INPP5A: variants seen among roughly 807,000 people sequenced by gnomAD.
INPP5A encodes inositol polyphosphate-5-phosphatase A.
A neutral mutation model predicts 65.2 loss-of-function variants in INPP5A; 14 were observed. That is an observed-to-expected ratio of 0.21 (90% CI 0.14 to 0.34). The LOEUF (loss-of-function observed/expected upper bound fraction) is 0.34. Ranked by LOEUF, INPP5A falls within the 10% of genes least tolerant of loss-of-function variation. The pLI, the probability that INPP5A is intolerant of heterozygous loss-of-function variation, is 1.00. For synonymous variants in INPP5A, 207 were observed against 208.3 expected (o/e 0.99, Z 0.05); for missense variants, 431 against 545.6 (o/e 0.79, Z 2.09).
At chr10:132,664,056 C>G (rs2072772581) in intron 4 of INPP5A, among the ~76,000 whole-genome samples, 1 of 152,238 alleles carries the variant, frequency 6.6e-6, no homozygotes, top group Non-Finnish European at 1.5e-5. Context: ...TGCTTGTTAG[C>G]ATTTTTTGAC....
At chr10:132,593,165 A>G (rs538909773) in intron 1 of INPP5A, among the ~76,000 whole-genome samples, 4 of 152,188 alleles carry the variant, frequency 2.6e-5, no homozygotes, top group Non-Finnish European at 5.9e-5. Flanking sequence ...TGATTAACCT[A>G]AGATCAGCTG....
chr10:132,760,345 T>G (rs1239848526), intron 11 of INPP5A, among the ~76,000 whole-genome samples: 1 of 152,240 alleles, frequency 6.6e-6, no homozygotes, highest in East Asian at 1.9e-4. Flanking sequence ...GGTCGGACGC[T>G]GTGCCGCACG....
intron 12 of INPP5A, among the ~76,000 whole-genome samples, chr10:132,772,447 G>T (rs1396037740): frequency 6.2e-5 from 8 of 128,842 alleles, no homozygotes; most frequent in African/African-American, 2.4e-4. Flanking sequence ...TGACACAGAG[G>T]CCACGGCAGC....
intron 1 of INPP5A, among the ~76,000 whole-genome samples, chr10:132,541,300 G>C (rs190952189): frequency 6.6e-6 from 1 of 152,272 alleles, no homozygotes; most frequent in Non-Finnish European, 1.5e-5. Flanking sequence ...CTCTCAAAAC[G>C]CTGCGTGCAT....
At chr10:132,729,277 C>T (rs1443402558) in intron 9 of INPP5A, among the ~76,000 whole-genome samples, 2 of 152,214 alleles carry the variant, frequency 1.3e-5, no homozygotes, top group South Asian at 2.1e-4. Flanking sequence ...GCCACATCTT[C>T]TCCTGCATCA....
At chr10:132,609,265 A>G (rs528620346) in intron 2 of INPP5A, among the ~76,000 whole-genome samples, 3 of 152,376 alleles carry the variant, frequency 2.0e-5, no homozygotes, top group Admixed American at 1.3e-4. Context: ...AATGTGTGAC[A>G]TCATCTGCTC....
intron 14 of INPP5A, 28 bp from the exon 15 acceptor site, chr10:132,781,833 C>G: frequency 6.2e-7 from 1 of 1,600,662 alleles, no homozygotes; most frequent in Admixed American, 1.7e-5. Context: ...GTGCGCCGTG[C>G]TGACACCGTC....
rs572529531 is a variant in INPP5A at position 132,555,870 on chromosome 10, C to G, written c.75+17699C>G. ...GCTGCTGCATTAGGAATCTGCGTCACAGATGAAAAACACGCGTTTCCCCTT... is the reference window on the plus strand; with the variant it reads ...GCTGCTGCATTAGGAATCTGCGTCAGAGATGAAAAACACGCGTTTCCCCTT... On this transcript the variant is annotated intron_variant, in intron 1 of 15. Transcript: ENST00000368594. The surrounding 1 kb of genome is among the most constrained non-coding windows in gnomAD (Gnocchi z 4.4). Among the ~76,000 whole-genome samples, 1 of 152,170 alleles carries G rather than the reference C, an allele frequency of 6.6e-6. No homozygotes were observed. Among genetic ancestry groups the G allele is most frequent in the Non-Finnish European group, 1.5e-5 (1 of 68,034 alleles).
intron 11 of INPP5A, among the ~76,000 whole-genome samples, chr10:132,759,026 A>G (rs373892928): frequency 1.8e-4 from 27 of 152,368 alleles, no homozygotes; most frequent in East Asian, 1.2e-3. Flanking sequence ...CTCTGTTTAC[A>G]TTTAGGGCGA....
intron 2 of INPP5A, among the ~76,000 whole-genome samples, chr10:132,610,620 G>A (rs532167693): frequency 6.6e-6 from 1 of 152,368 alleles, no homozygotes; most frequent in East Asian, 1.9e-4. Flanking sequence ...CTGCTCCAGG[G>A]TCTGCAGCCT....
chr10:132,598,164 G>A (rs1021539331), intron 1 of INPP5A, among the ~76,000 whole-genome samples: 1 of 152,166 alleles, frequency 6.6e-6, no homozygotes, highest in African/African-American at 2.4e-5. Context: ...GCTCTCAGAC[G>A]TGTGGAGACT....
chr10:132,737,242 G>C (rs1846193630), intron 9 of INPP5A, among the ~76,000 whole-genome samples: 1 of 152,196 alleles, frequency 6.6e-6, no homozygotes, highest in South Asian at 2.1e-4. Context: ...GTGTCCAGAG[G>C]GCAGGTGGCA....
intron 4 of INPP5A, among the ~76,000 whole-genome samples, chr10:132,654,022 G>A (rs75242478): frequency 0.049 from 7,425 of 152,340 alleles, 254 homozygotes; most frequent in Middle Eastern, 0.089. Flanking sequence ...ACCAGGGTGC[G>A]GGGCACCAGG....
rs1445686890 is a variant in INPP5A at position 132,675,734 on chromosome 10, CA to C, written c.307-14657del. ...GGGAACTAAGGTAAATTATTTGAAA[CA>C]GAAGTAGATGGCAATTTCCTAATAT... On this transcript the variant is annotated intron_variant, in intron 4 of 15. Transcript: ENST00000368594. This position sits in a 1 kb window ranked among gnomAD's most constrained non-coding sequence, Gnocchi z 4.2. 2.0e-5 allele frequency among the ~76,000 whole-genome samples: 3 copies of C among 152,194 alleles called. No individual in the cohort carries two copies. Among genetic ancestry groups the C allele is most frequent in the African/African-American group, 7.2e-5 (3 of 41,442 alleles).
intron 2 of INPP5A, among the ~76,000 whole-genome samples, chr10:132,630,881 T>G (rs2133373379): frequency 6.6e-6 from 1 of 152,272 alleles, no homozygotes; most frequent in African/African-American, 2.4e-5. Context: ...TTTGTTCGGG[T>G]TAGAGCCCTG....
In INPP5A at chr10:132,657,343, G is replaced by A. The variant is rs187925822; in HGVS notation, c.306+6838G>A. On this transcript the variant is annotated intron_variant, in intron 4 of 15. Transcript: ENST00000368594. ...AGCACTGCCATGGTGGACTCTGCTC[G>A]CGCCTTGGTGGCTTCTAGGCTTTTC... Among the ~76,000 whole-genome samples, 291 of 152,372 alleles carry A rather than the reference G, an allele frequency of 1.9e-3. 2 individuals carry two copies. Among genetic ancestry groups the A allele is most frequent in the African/African-American group, 6.7e-3 (280 of 41,594 alleles).
intron 9 of INPP5A, among the ~76,000 whole-genome samples, chr10:132,729,589 T>C (rs1846045919): frequency 6.6e-6 from 1 of 152,162 alleles, no homozygotes; most frequent in African/African-American, 2.4e-5. Context: ...AGCAAGACCA[T>C]GCTCGCCCCC....
At chr10:132,590,945 G>A (rs1282467719) in intron 1 of INPP5A, among the ~76,000 whole-genome samples, 1 of 152,202 alleles carries the variant, frequency 6.6e-6, no homozygotes. Flanking sequence ...CATTACCAAG[G>A]TGAGCTTGGG....
intron 11 of INPP5A, among the ~76,000 whole-genome samples, chr10:132,757,832 T>C (rs1846655897): frequency 6.9e-6 from 1 of 144,664 alleles, no homozygotes; most frequent in Non-Finnish European, 1.5e-5. Context: ...CACAGGCCAG[T>C]GCGATGTCGT....
Sources: gnomAD v4.1 joint callset for allele counts (sites outside exome capture counted in the v4.1 genomes callset) on GRCh38, gnomAD v4.1.1 for gene constraint, Gnocchi (gnomAD v3.1) non-coding constraint, MANE v1.5 for transcripts, NCBI Gene and HGNC (gene_info 2026-07-23, HGNC 2026-07-21) for gene names.